Variants in UNC5D observed in about 807,000 individuals in gnomAD.
UNC5D encodes unc-5 netrin receptor D.
UNC5D carries 39 observed loss-of-function variants against 105.4 expected under a neutral mutation model. That is an observed-to-expected ratio of 0.37 (90% CI 0.29 to 0.48). The LOEUF (loss-of-function observed/expected upper bound fraction) is 0.48. Ranked by LOEUF, UNC5D falls within the 20% of genes least tolerant of loss-of-function variation. The probability of loss-of-function intolerance (pLI) is 0.98; values close to 1 mark genes in which losing one functional copy is unlikely to be tolerated. For synonymous variants in UNC5D, 452 were observed against 450.4 expected, an observed-to-expected ratio of 1.00 and a Z score of -0.04; for missense variants, 991 against 1,202.4, an observed-to-expected ratio of 0.82 and a Z score of 2.60.
intron 1 of UNC5D, among the ~76,000 whole-genome samples, chr8:35,522,941 A>G (rs1210556463): frequency 6.6e-6 from 1 of 152,188 alleles, no homozygotes; most frequent in African/African-American, 2.4e-5. Context: ...TAGCCTGATA[A>G]CAGTATTTGC....
chr8:35,643,884 C>G (rs1310351830), intron 4 of UNC5D, among the ~76,000 whole-genome samples: 1 of 152,144 alleles, frequency 6.6e-6, no homozygotes, highest in Non-Finnish European at 1.5e-5. Context: ...AATCCCTGCT[C>G]TTCATCAGTC....
intron 1 of UNC5D, among the ~76,000 whole-genome samples, chr8:35,265,610 C>T (rs561418611): frequency 6.6e-6 from 1 of 152,232 alleles, no homozygotes; most frequent in South Asian, 2.1e-4. Flanking sequence ...GTGGCTCAGG[C>T]CTGTAATCCC....
chr8:35,586,370 C>A (rs1236938622), intron 3 of UNC5D, among the ~76,000 whole-genome samples: 1 of 152,152 alleles, frequency 6.6e-6, no homozygotes, highest in East Asian at 1.9e-4. Flanking sequence ...ATACAAAAGA[C>A]TATCACAATG....
chr8:35,347,485 T>TC (rs1210209136), intron 1 of UNC5D, among the ~76,000 whole-genome samples: 1 of 151,962 alleles, frequency 6.6e-6, no homozygotes, highest in Non-Finnish European at 1.5e-5. Flanking sequence ...AGATGAGAGT[T>TC]CCCCTCGGAA....
chr8:35,393,301 T>A (rs1425918295), intron 1 of UNC5D, among the ~76,000 whole-genome samples: 1 of 151,296 alleles, frequency 6.6e-6, no homozygotes, highest in Non-Finnish European at 1.5e-5. Context: ...GCCCGGCTAA[T>A]TTTTTGTATT....
At chr8:35,450,394 C>A (rs969389928) in intron 1 of UNC5D, among the ~76,000 whole-genome samples, 3 of 152,056 alleles carry the variant, frequency 2.0e-5, no homozygotes, top group African/African-American at 7.2e-5. Flanking sequence ...ATTCTGGGCA[C>A]CCAGAACCTT....
rs1032651710 is a variant in UNC5D, at chr8:35,435,137, G to A, written c.104-114155G>A. On this transcript the variant is annotated intron_variant, in intron 1 of 16. Coordinates refer to ENST00000404895, the MANE Select transcript of UNC5D (RefSeq NM_080872.4). ...TTAATCTTTTTTGTTTTTTATGTGG[G>A]GTTTATCAAAATTACTGTATCTATT... is the stretch of plus-strand genomic sequence containing the variant. Among the ~76,000 whole-genome samples, 14 of 151,702 alleles carry A rather than the reference G, an allele frequency of 9.2e-5. No individual in the cohort carries two copies. The South Asian group carries it at 2.1e-3, about 23-fold the overall frequency.
intron 3 of UNC5D, among the ~76,000 whole-genome samples, chr8:35,591,505 C>CT (rs1379184912): frequency 2.0e-5 from 3 of 151,910 alleles, no homozygotes; most frequent in Non-Finnish European, 2.9e-5. Context: ...AACTCAAGTC[C>CT]TTTTTTAGCT....
intron 15 of UNC5D, among the ~76,000 whole-genome samples, chr8:35,767,537 C>G (rs1477107759): frequency 6.6e-6 from 1 of 152,110 alleles, no homozygotes; most frequent in Non-Finnish European, 1.5e-5. Context: ...GATGGGACTC[C>G]CTGTCTTACT....
intron 1 of UNC5D, among the ~76,000 whole-genome samples, chr8:35,305,605 C>CTTTCA (rs1563297915): frequency 3.1e-4 from 40 of 130,476 alleles, no homozygotes; most frequent in Middle Eastern, 3.8e-3. Context: ...TTCTTTCTTT[C>CTTTCA]TTTCTTTCTT....
chr8:35,742,621 G>A (rs1238390417), intron 11 of UNC5D, among the ~76,000 whole-genome samples: 1 of 152,198 alleles, frequency 6.6e-6, no homozygotes, highest in Non-Finnish European at 1.5e-5. Flanking sequence ...CAGCATGGAA[G>A]ACAACAGCTA....
At chr8:35,574,142 A>G (rs2130811563) in intron 3 of UNC5D, among the ~76,000 whole-genome samples, 1 of 152,338 alleles carries the variant, frequency 6.6e-6, no homozygotes, top group South Asian at 2.1e-4. Flanking sequence ...TTGGCTGCCT[A>G]GCCCTTTATT....
chr8:35,596,535 GAC>G, intron 4 of UNC5D, among the ~76,000 whole-genome samples: 1 of 152,306 alleles, frequency 6.6e-6, no homozygotes, highest in East Asian at 1.9e-4. Context: ...GCGTGCCCAT[GAC>G]ACAGCCTCGG....
intron 4 of UNC5D, among the ~76,000 whole-genome samples, chr8:35,656,659 A>G (rs900960411): frequency 6.6e-6 from 1 of 152,008 alleles, no homozygotes; most frequent in African/African-American, 2.4e-5. Context: ...TTACCATAGG[A>G]TTTGGATCTA....
At chr8:35,773,338 C>T (rs1315682865) in intron 15 of UNC5D, among the ~76,000 whole-genome samples, 4 of 152,090 alleles carry the variant, frequency 2.6e-5, no homozygotes. Flanking sequence ...CTGATTATAC[C>T]ACTATACAGG....
chr8:35,318,000 C>G (rs1004439859), intron 1 of UNC5D, among the ~76,000 whole-genome samples: 7 of 151,842 alleles, frequency 4.6e-5, no homozygotes, highest in Non-Finnish European at 1.0e-4. Context: ...TAATTCACTC[C>G]CACCCCATGT....
At chr8:35,265,179 T>G (rs1004615552) in intron 1 of UNC5D, among the ~76,000 whole-genome samples, 15 of 149,148 alleles carry the variant, frequency 1.0e-4, no homozygotes, top group African/African-American at 3.6e-4. Flanking sequence ...TAAATTCTAC[T>G]CTTAGGTTAT....
intron 4 of UNC5D, among the ~76,000 whole-genome samples, chr8:35,675,923 T>A (rs1825179486): frequency 6.6e-6 from 1 of 151,658 alleles, no homozygotes; most frequent in African/African-American, 2.4e-5. Flanking sequence ...ATACTAGATG[T>A]CTTTAATAAA....
At chr8:35,717,791 T>A (rs886580554) in intron 8 of UNC5D, among the ~76,000 whole-genome samples, 3 of 152,212 alleles carry the variant, frequency 2.0e-5, no homozygotes, top group Non-Finnish European at 2.9e-5. Flanking sequence ...ACTAGCTTCA[T>A]CATAAATGAA....
Sources: allele counts gnomAD v4.1 joint callset (sites outside exome capture counted in the v4.1 genomes callset), GRCh38; gene constraint gnomAD v4.1.1; transcripts MANE v1.5; gene names NCBI Gene and HGNC (gene_info 2026-07-23, HGNC 2026-07-21).